The following CCDC57 variants were observed in gnomAD, a reference collection of about 807,000 sequenced individuals.
CCDC57 encodes coiled-coil domain containing 57.
CCDC57 carries 118 observed loss-of-function variants against 118.9 expected under a neutral mutation model. That is an observed-to-expected ratio of 0.99 (90% CI 0.86 to 1.16). The LOEUF (loss-of-function observed/expected upper bound fraction) is 1.16, where lower values mean the gene tolerates loss of function less well. Among genes scored for constraint, CCDC57 ranks in the 50% most tolerant of loss-of-function variants. CCDC57 has a pLI of 0.00. For missense variants in CCDC57, 1,300 were observed against 1,320.7 expected, an observed-to-expected ratio of 0.98 and a Z score of 0.24; for synonymous variants, 527 against 532.9, an observed-to-expected ratio of 0.99 and a Z score of 0.15.
At position 82,178,617 on chromosome 17, in the gene CCDC57, G is replaced by A. The variant is rs751858467; in HGVS notation, c.1375-12C>T. ...AGCTTGGCAGCAACCTGGGAAAAAC[G>A]CTGGGACTCAGTCCCTGTGTGGATG... On this transcript the variant is annotated splice_polypyrimidine_tract_variant and intron_variant, in intron 10 of 19. Coordinates refer to ENST00000665763, the Ensembl canonical transcript of CCDC57. 5.8e-5 allele frequency: 93 copies of A among 1,609,788 alleles called. No individual in the cohort carries two copies. Among genetic ancestry groups the A allele is most frequent in the Middle Eastern group, 1.6e-4 (1 of 6,080 alleles).
At chr17:82,105,478 A>G (rs1178087543) in intron 19 of CCDC57, among the ~76,000 whole-genome samples, 3 of 151,506 alleles carry the variant, frequency 2.0e-5, no homozygotes, top group Admixed American at 1.3e-4. Context: ...GACTCCCCCC[A>G]CCCCGAATCT....
intron 19 of CCDC57, among the ~76,000 whole-genome samples, chr17:82,106,889 G>T (rs1453568068): frequency 1.3e-5 from 2 of 152,228 alleles, no homozygotes; most frequent in Non-Finnish European, 2.9e-5. Flanking sequence ...TCCCAGGTCT[G>T]CCAGGCCAGC....
At chr17:82,137,455 T>C (rs868402436) in intron 16 of CCDC57, among the ~76,000 whole-genome samples, 1 of 152,262 alleles carries the variant, frequency 6.6e-6, no homozygotes, top group African/African-American at 2.4e-5. Context: ...TTATTATGTC[T>C]TGATGGTTTC....
At chr17:82,201,413 C>A (rs569796083) in intron 3 of CCDC57, 125 bp downstream of exon 2, 10 of 1,245,482 alleles carry the variant, frequency 8.0e-6, no homozygotes, top group Non-Finnish European at 1.1e-5. Context: ...CTCCCGTGGC[C>A]TGGAATCAGC....
At chr17:82,114,438 G>A (rs1249008571) in intron 19 of CCDC57, among the ~76,000 whole-genome samples, 2 of 152,226 alleles carry the variant, frequency 1.3e-5, no homozygotes, top group Non-Finnish European at 2.9e-5. Flanking sequence ...GTCCTGCAGA[G>A]GCCAATCACA....
chr17:82,203,150 G>C (rs2049196510), intron 2 of CCDC57, among the ~76,000 whole-genome samples: 1 of 152,292 alleles, frequency 6.6e-6, no homozygotes, highest in Non-Finnish European at 1.5e-5. Context: ...GGGGAGATTT[G>C]GTCATTTCAA....
intron 9 of CCDC57, among the ~76,000 whole-genome samples, chr17:82,179,607 A>C: frequency 6.8e-6 from 1 of 147,990 alleles, no homozygotes; most frequent in African/African-American, 2.5e-5. Context: ...AGTGCAGAGC[A>C]GGGTGGACCC....
chr17:82,117,827 A>C (rs2036125323), intron 19 of CCDC57, among the ~76,000 whole-genome samples: 1 of 152,166 alleles, frequency 6.6e-6, no homozygotes, highest in Non-Finnish European at 1.5e-5. Context: ...AACCAGGAGC[A>C]GGGGGCCAAC....
chr17:82,158,038 C>A, intron 14 of CCDC57, 90 bp from the exon 14 acceptor site: 1 of 1,469,508 alleles, frequency 6.8e-7, no homozygotes, highest in Non-Finnish European at 9.0e-7. Context: ...GCTGTGAGTG[C>A]CGGGAAAGAA....
chr17:82,141,093 C>T (rs557048019), intron 16 of CCDC57, among the ~76,000 whole-genome samples: 2 of 151,998 alleles, frequency 1.3e-5, no homozygotes, highest in Admixed American at 6.6e-5. Flanking sequence ...TCACTGCAAC[C>T]TCCGCCTCCC....
chr17:82,127,093 T>C, intron 19 of CCDC57: 1 of 985,428 alleles, frequency 1.0e-6, no homozygotes, highest in Non-Finnish European at 1.2e-6. Flanking sequence ...CTGAGACCAG[T>C]AGCAGGAGCT....
At chr17:82,163,443 C>A in intron 13 of CCDC57, 86 bp from the exon 13 acceptor site, 1 of 1,514,516 alleles carries the variant, frequency 6.6e-7, no homozygotes, top group Non-Finnish European at 8.9e-7. Flanking sequence ...ATCAGCTCTC[C>A]CTTTCCCGTG....
intron 8 of CCDC57, 120 bp from the exon 8 acceptor site, chr17:82,184,052 C>T: frequency 3.5e-6 from 2 of 570,566 alleles, no homozygotes; most frequent in Non-Finnish European, 6.2e-6. Flanking sequence ...CACACACACA[C>T]ACACACACAC....
chr17:82,163,936 A>G (rs2043656680), intron 13 of CCDC57, among the ~76,000 whole-genome samples: 2 of 152,222 alleles, frequency 1.3e-5, no homozygotes, highest in Admixed American at 1.3e-4. Flanking sequence ...TCACGTTGGG[A>G]GGCTGAGGCA....
At chr17:82,174,115 T>C (rs2045143886) in intron 11 of CCDC57, among the ~76,000 whole-genome samples, 1 of 152,222 alleles carries the variant, frequency 6.6e-6, no homozygotes, top group Non-Finnish European at 1.5e-5. Flanking sequence ...CTTCCTCTCC[T>C]GTGGAGCCAC....
intron 17 of CCDC57, among the ~76,000 whole-genome samples, chr17:82,131,818 A>G (rs1382476691): frequency 2.0e-5 from 3 of 151,906 alleles, no homozygotes; most frequent in Admixed American, 2.0e-4. Context: ...GGCTCCATAG[A>G]GTTTTCTTTT....
chr17:82,146,925 GCACA>G (rs1429666728), intron 16 of CCDC57, among the ~76,000 whole-genome samples: 12 of 152,230 alleles, frequency 7.9e-5, no homozygotes, highest in Admixed American at 7.8e-4. Flanking sequence ...AAATGCACGT[GCACA>G]CACACAGTCT....
At position 82,178,456 on chromosome 17, in the gene CCDC57, C is replaced by T; in HGVS notation, c.1506+18G>A. 1.9e-6 allele frequency: 3 copies of T among 1,577,238 alleles called. No homozygotes were observed. The highest frequency in any genetic ancestry group is 2.6e-6 in the Non-Finnish European group (3 of 1,161,346). ...TGCTGTTGAGCAAAGTTTCAAAGAG[C>T]CGACTGGGTACTCTCACCTGTGCCC... On this transcript the variant is annotated intron_variant, in intron 11 of 19. Coordinates refer to ENST00000665763, the Ensembl canonical transcript of CCDC57.
At chr17:82,148,338 TGG>T (rs1598907971) in intron 16 of CCDC57, among the ~76,000 whole-genome samples, 3 of 48,994 alleles carry the variant, frequency 6.1e-5, no homozygotes, top group African/African-American at 8.7e-5. Flanking sequence ...GATGGATGGA[TGG>T]ATGGATAGGT....
Sources: allele counts gnomAD v4.1 joint callset (sites outside exome capture counted in the v4.1 genomes callset), GRCh38; gene constraint gnomAD v4.1.1; transcripts MANE v1.5; gene names NCBI Gene and HGNC (gene_info 2026-07-23, HGNC 2026-07-21).